PDE8B: variants seen among roughly 807,000 people sequenced by gnomAD.
PDE8B encodes the protein phosphodiesterase 8B, also known as high affinity cAMP-specific and IBMX-insensitive 3',5'-cyclic phosphodiesterase 8B.
In PDE8B, 26 loss-of-function variants were observed where a neutral mutation model predicts 101.3. The observed-to-expected ratio is 0.26, with a 90% CI of 0.19 to 0.36. The LOEUF is 0.36. Ranked by LOEUF, PDE8B falls within the 10% of genes least tolerant of loss-of-function variation. The pLI, the probability that PDE8B is intolerant of heterozygous loss-of-function variation, is 1.00. For missense variants in PDE8B, 810 were observed against 1,163.1 expected (o/e 0.70, Z 4.42); for synonymous variants, 424 against 429.3 (o/e 0.99, Z 0.15).
At chr5:77,169,752 A>C in the PDE8B span, among the ~76,000 whole-genome samples, 1 of 152,148 alleles carries the variant, frequency 6.6e-6, no homozygotes, top group Non-Finnish European at 1.5e-5. Flanking sequence ...AGTTTGTCTT[A>C]GACACACCTC....
the PDE8B span, among the ~76,000 whole-genome samples, chr5:77,154,082 G>T: frequency 6.6e-6 from 1 of 152,114 alleles, no homozygotes; most frequent in African/African-American, 2.4e-5. Context: ...AAACTGAATT[G>T]TTACATATAT....
Position 77,390,819 on chromosome 5 carries a change from AG to A in PDE8B, c.1168-9428del, listed in dbSNP as rs528413761. Among the ~76,000 whole-genome samples the A allele has an allele frequency of 1.2e-3, 190 of 152,318 alleles. 1 individual carries two copies. The highest frequency in any genetic ancestry group is 2.2e-3 in the Non-Finnish European group (153 of 68,030). ...AGCTTGACAGAGCAAATGGTTTTAGAGCCAAAGGGACACATTTGAAATTGGC... is the reference window on the plus strand; with the variant it reads ...AGCTTGACAGAGCAAATGGTTTTAGACCAAAGGGACACATTTGAAATTGGC... On this transcript the variant is annotated intron_variant, in intron 10 of 21. Transcript: ENST00000264917.
rs71594634 is a variant in PDE8B, at chr5:77,423,632, G to GTTTTTTTTTTTTTTTTTTTTTTTTT, written c.2418+1647_2418+1671dup. On this transcript the variant is annotated intron_variant, in intron 20 of 21. Coordinates refer to ENST00000264917, the MANE Select transcript of PDE8B (RefSeq NM_003719.5). ...TGATGCTGGACTTTTGTTTTGTTTA[G>GTTTTTTTTTTTTTTTTTTTTTTTTT]TTTTTTTTTTTTTTTTTTTTTTTTT... 4.3e-4 allele frequency among the ~76,000 whole-genome samples: 32 copies of GTTTTTTTTTTTTTTTTTTTTTTTTT among 74,040 alleles called. 8 individuals carry two copies. Among genetic ancestry groups the GTTTTTTTTTTTTTTTTTTTTTTTTT allele is most frequent in the Non-Finnish European group, 4.9e-4 (19 of 38,406 alleles). 48.6% of individuals were successfully genotyped at this position (74,040 alleles called of 152,430 possible).
the PDE8B span, among the ~76,000 whole-genome samples, chr5:77,149,817 C>T: frequency 6.6e-6 from 1 of 152,104 alleles, no homozygotes. Flanking sequence ...AGTTTTAATT[C>T]TTCCTTTACT....
chr5:77,163,617 A>G, the PDE8B span, among the ~76,000 whole-genome samples: 2 of 152,168 alleles, frequency 1.3e-5, no homozygotes, highest in Non-Finnish European at 1.5e-5. Context: ...TATAATAAGG[A>G]GTTTCTTTTC....
intron 10 of PDE8B, among the ~76,000 whole-genome samples, chr5:77,379,523 A>G (rs1344133811): frequency 6.6e-6 from 1 of 152,170 alleles, no homozygotes; most frequent in Non-Finnish European, 1.5e-5. Flanking sequence ...CAGAATCAGC[A>G]CCCATGTATA....
intron 18 of PDE8B, 141 bp from the exon 19 acceptor site, chr5:77,419,626 T>C (rs1796224839): frequency 1.1e-6 from 1 of 932,832 alleles, no homozygotes; most frequent in African/African-American, 1.6e-5. Context: ...GAGGACGAGC[T>C]CTTCTTGTGA....
intron 1 of PDE8B, among the ~76,000 whole-genome samples, chr5:77,228,396 A>T (rs1752877442): frequency 6.6e-6 from 1 of 152,170 alleles, no homozygotes; most frequent in African/African-American, 2.4e-5. Flanking sequence ...TGTCTGCTAC[A>T]GTTCTGTAAT....
intron 1 of PDE8B, among the ~76,000 whole-genome samples, chr5:77,299,842 C>T (rs1056204799): frequency 6.6e-6 from 1 of 152,124 alleles, no homozygotes; most frequent in Non-Finnish European, 1.5e-5. Flanking sequence ...CCTGAGGAAT[C>T]GCCACACTGA....
In PDE8B at chr5:77,413,172, T is replaced by A; in HGVS notation, c.1774T>A (p.Cys592Ser). 1 of 1,614,128 alleles carries A rather than the reference T, an allele frequency of 6.2e-7. No individual in the cohort carries two copies. Among genetic ancestry groups the A allele is most frequent in the Non-Finnish European group, 8.5e-7 (1 of 1,180,008 alleles). The change falls in exon 17 of 22, where the codon TGT becomes AGT. Residue 592 changes from cysteine (C) to serine (S), a missense_variant. Cys to Ser is a moderately radical substitution (Grantham distance 112). Around this residue, in one of 4 missense-constraint regions of PDE8B, gnomAD observed 325 missense variants for 560.9 expected, o/e 0.58. Coordinates refer to ENST00000264917, the MANE Select transcript of PDE8B (RefSeq NM_003719.5). Reference sequence around the variant, plus strand: ...GTTTGGAGTATGTGAATTTTTAAACTGTTCTGAAACCACTCTTCGGGCCTG... The same window carrying A: ...GTTTGGAGTATGTGAATTTTTAAACAGTTCTGAAACCACTCTTCGGGCCTG... ...SRFGVCEFLN[C>S]SETTLRAWFQ...
the PDE8B span, chr5:77,134,586 G>A: frequency 6.6e-6 from 1 of 152,256 alleles, no homozygotes; most frequent in Non-Finnish European, 1.5e-5. Flanking sequence ...GCAGAAAGAG[G>A]TGAGGCTGCC....
intron 10 of PDE8B, among the ~76,000 whole-genome samples, chr5:77,380,549 TAAGTA>T (rs1297037148): frequency 1.3e-5 from 2 of 152,196 alleles, no homozygotes; most frequent in Admixed American, 6.5e-5. Flanking sequence ...ACATAACTAT[TAAGTA>T]AAATATATAA....
At chr5:77,234,395 G>A (rs1024899160) in intron 1 of PDE8B, among the ~76,000 whole-genome samples, 4 of 151,982 alleles carry the variant, frequency 2.6e-5, no homozygotes, top group Non-Finnish European at 5.9e-5. Flanking sequence ...ACTCCACATG[G>A]GCTTCAGGGT....
chr5:77,345,288 T>G (rs1779942241), intron 7 of PDE8B, among the ~76,000 whole-genome samples: 1 of 152,194 alleles, frequency 6.6e-6, no homozygotes, highest in Non-Finnish European at 1.5e-5. Context: ...TGCCTCTAAG[T>G]AGCGAGGATT....
At chr5:77,094,449 G>A in the PDE8B span, among the ~76,000 whole-genome samples, 4 of 152,112 alleles carry the variant, frequency 2.6e-5, no homozygotes, top group Non-Finnish European at 4.4e-5. Context: ...AGCAGAGACA[G>A]GCAGGCACCA....
chr5:77,181,061 C>G, the PDE8B span, among the ~76,000 whole-genome samples: 4 of 149,952 alleles, frequency 2.7e-5, no homozygotes, highest in African/African-American at 9.8e-5. Context: ...GGGCACCCAC[C>G]CCTACCCCTA....
intron 1 of PDE8B, among the ~76,000 whole-genome samples, chr5:77,228,970 T>G (rs1326668709): frequency 6.6e-6 from 1 of 152,162 alleles, no homozygotes; most frequent in African/African-American, 2.4e-5. Context: ...ATGTGGGAGA[T>G]AGAACGGTCT....
the PDE8B span, chr5:77,145,333 C>G: frequency 6.6e-6 from 1 of 152,046 alleles, no homozygotes; most frequent in Non-Finnish European, 1.5e-5. Context: ...AACTGTTAAA[C>G]AAAAAGGAAT....
intron 10 of PDE8B, among the ~76,000 whole-genome samples, chr5:77,383,157 G>T (rs1787847569): frequency 6.6e-6 from 1 of 152,170 alleles, no homozygotes; most frequent in African/African-American, 2.4e-5. Flanking sequence ...ATATCTCATT[G>T]TGGTTTTTAT....
Sources: gnomAD v4.1 joint callset for allele counts (sites outside exome capture counted in the v4.1 genomes callset) on GRCh38, gnomAD v4.1.1 for gene constraint, gnomAD v4.1.1 regional missense constraint, MANE v1.5 for transcripts, NCBI Gene and HGNC (gene_info 2026-07-23, HGNC 2026-07-21) for gene names.